Variants in LRP1B observed in about 807,000 individuals in gnomAD.
LRP1B encodes low-density lipoprotein receptor-related protein 1B.
LRP1B carries 217 observed loss-of-function variants against 556.6 expected under a neutral mutation model. The ratio of observed to expected loss-of-function variants is 0.39; its 90% CI spans 0.35 to 0.44. The LOEUF is 0.44. Ranked by LOEUF, LRP1B falls within the 20% of genes least tolerant of loss-of-function variation. LRP1B has a pLI of 1.00. For missense variants in LRP1B, 5,053 were observed against 5,620.8 expected (o/e 0.90, Z 3.23); for synonymous variants, 2,047 against 1,865.8 (o/e 1.10, Z -2.50).
intron 72 of LRP1B, among the ~76,000 whole-genome samples, chr2:140,363,560 A>G (rs1314281432): frequency 6.6e-6 from 1 of 151,656 alleles, no homozygotes; most frequent in Non-Finnish European, 1.5e-5. Context: ...ATTCAGAAAC[A>G]ATCTAATCCC....
At chr2:140,251,238 C>T (rs1681398320) in intron 86 of LRP1B, among the ~76,000 whole-genome samples, 1 of 151,694 alleles carries the variant, frequency 6.6e-6, no homozygotes, top group South Asian at 2.1e-4. Flanking sequence ...AAACTATAAT[C>T]TTTAAAATGA....
chr2:141,517,233 T>C (rs1167630335), intron 2 of LRP1B, among the ~76,000 whole-genome samples: 1 of 22,164 alleles, frequency 4.5e-5, no homozygotes, highest in Non-Finnish European at 1.3e-4. Context: ...GGCCTTTAGA[T>C]TGACCATGTC....
chr2:141,949,689 A>G (rs953064982), intron 1 of LRP1B, among the ~76,000 whole-genome samples: 1 of 152,138 alleles, frequency 6.6e-6, no homozygotes, highest in African/African-American at 2.4e-5. Context: ...TGCCTGGCCG[A>G]AACAAAATTC....
chr2:141,519,949 T>C (rs1275021497), intron 2 of LRP1B, among the ~76,000 whole-genome samples: 3 of 151,936 alleles, frequency 2.0e-5, no homozygotes, highest in South Asian at 4.2e-4. Context: ...AGCCCGACAA[T>C]AGGGGAAGAA....
chr2:141,323,896 ACACACACACACCTGAACGAGGAAAC>A (rs1304434207), intron 3 of LRP1B, among the ~76,000 whole-genome samples: 1 of 144,090 alleles, frequency 6.9e-6, no homozygotes, highest in Non-Finnish European at 1.5e-5. Flanking sequence ...GAAACCACAC[ACACACACACACCTGAACGAGGAAAC>A]CACACACACA....
chr2:141,991,196 A>C (rs1702333567), intron 1 of LRP1B, among the ~76,000 whole-genome samples: 2 of 152,012 alleles, frequency 1.3e-5, no homozygotes, highest in Non-Finnish European at 2.9e-5. Context: ...TCATTATGTA[A>C]ATGTATTTGT....
intron 2 of LRP1B, among the ~76,000 whole-genome samples, chr2:141,766,362 C>T (rs1029466726): frequency 6.6e-6 from 1 of 152,160 alleles, no homozygotes; most frequent in Non-Finnish European, 1.5e-5. Flanking sequence ...GGTCACACAA[C>T]AAGCTGCTCT....
At chr2:140,988,370 G>T (rs181906260) in intron 17 of LRP1B, among the ~76,000 whole-genome samples, 43 of 152,184 alleles carry the variant, frequency 2.8e-4, no homozygotes, top group Admixed American at 2.6e-3. Flanking sequence ...TGTCAGATCA[G>T]ATTTTTAATC....
chr2:141,939,165 G>T (rs559583762), intron 1 of LRP1B, among the ~76,000 whole-genome samples: 1 of 151,872 alleles, frequency 6.6e-6, no homozygotes, highest in African/African-American at 2.4e-5. Context: ...ACTATGTGAG[G>T]AGATGGTTAT....
intron 3 of LRP1B, among the ~76,000 whole-genome samples, chr2:141,471,278 T>TTGTTTTTGTTTTTG (rs1559089398): frequency 2.8e-5 from 4 of 144,714 alleles, no homozygotes; most frequent in Non-Finnish European, 3.0e-5. Flanking sequence ...ATTTTTTTTT[T>TTGTTTTTGTTTTTG]TTTTTTTTTT....
intron 7 of LRP1B, among the ~76,000 whole-genome samples, chr2:141,131,555 C>T (rs1008282459): frequency 6.6e-6 from 1 of 150,784 alleles, no homozygotes; most frequent in African/African-American, 2.4e-5. Flanking sequence ...TAAATTCAAA[C>T]CATTATTTTA....
intron 3 of LRP1B, among the ~76,000 whole-genome samples, chr2:141,274,682 A>G (rs906527801): frequency 2.6e-5 from 4 of 152,166 alleles, no homozygotes; most frequent in African/African-American, 9.7e-5. Flanking sequence ...TTCATACTTC[A>G]GTTGGGTAAA....
chr2:141,328,327 T>C (rs924755736), intron 3 of LRP1B, among the ~76,000 whole-genome samples: 2 of 149,950 alleles, frequency 1.3e-5, no homozygotes, highest in East Asian at 3.9e-4. Flanking sequence ...GAAGGAAGCC[T>C]ATCTTAATGA....
At chr2:141,053,391 T>G (rs1214109408) in intron 10 of LRP1B, among the ~76,000 whole-genome samples, 1 of 151,952 alleles carries the variant, frequency 6.6e-6, no homozygotes, top group Non-Finnish European at 1.5e-5. Context: ...CTCCTCTTCT[T>G]TATTTTTTGC....
intron 41 of LRP1B, among the ~76,000 whole-genome samples, chr2:140,634,551 GA>G (rs1345561304): frequency 2.0e-5 from 3 of 152,108 alleles, no homozygotes; most frequent in Non-Finnish European, 4.4e-5. Flanking sequence ...ATGAGGGAAA[GA>G]GTAATTTTAC....
intron 3 of LRP1B, among the ~76,000 whole-genome samples, chr2:141,414,254 G>GAAAAGAAAAAAAA (rs1559057200): frequency 8.5e-6 from 1 of 118,090 alleles, no homozygotes; most frequent in Non-Finnish European, 1.8e-5. Flanking sequence ...AAAAAAAAAA[G>GAAAAGAAAAAAAA]AAAAAGGAAG....
intron 1 of LRP1B, among the ~76,000 whole-genome samples, chr2:141,986,351 A>G (rs796912026): frequency 7.2e-5 from 11 of 152,104 alleles, no homozygotes; most frequent in African/African-American, 2.4e-4. Flanking sequence ...AGAAATACCT[A>G]TAACTCATAT....
intron 1 of LRP1B, among the ~76,000 whole-genome samples, chr2:141,963,617 A>T (rs540912783): frequency 6.6e-6 from 1 of 151,854 alleles, no homozygotes; most frequent in Non-Finnish European, 1.5e-5. Flanking sequence ...GCTATCTATG[A>T]CAAACCCACA....
intron 67 of LRP1B, among the ~76,000 whole-genome samples, chr2:140,383,293 C>T (rs1015429213): frequency 3.4e-5 from 5 of 145,744 alleles, no homozygotes; most frequent in East Asian, 2.0e-4. Context: ...CAGTGATGTG[C>T]GTGTGTGTGT....
Sources: gnomAD v4.1 joint callset for allele counts (sites outside exome capture counted in the v4.1 genomes callset) on GRCh38, gnomAD v4.1.1 for gene constraint, MANE v1.5 for transcripts, NCBI Gene and HGNC (gene_info 2026-07-23, HGNC 2026-07-21) for gene names.